Variants in ANO4 observed in about 807,000 individuals in gnomAD.
The protein encoded by ANO4 is anoctamin 4.
A neutral mutation model predicts 141.9 loss-of-function variants in ANO4; 69 were observed. The observed-to-expected ratio is 0.49, with a 90% CI of 0.40 to 0.59. The LOEUF (loss-of-function observed/expected upper bound fraction) is 0.59, where lower values mean the gene tolerates loss of function less well. Ranked by LOEUF, ANO4 falls within the 20% of genes least tolerant of loss-of-function variation. ANO4 has a pLI of 0.00. For synonymous variants in ANO4, 350 were observed against 394.3 expected (o/e 0.89, Z 1.33); for missense variants, 894 against 1,162.2 (o/e 0.77, Z 3.36).
At position 101,065,856 on chromosome 12, in the gene ANO4, T is replaced by C. The variant is rs181906691; in HGVS notation, c.1313-13337T>C. On this transcript the variant is annotated intron_variant, in intron 14 of 27. Coordinates refer to ENST00000392977, the MANE Select transcript of ANO4 (RefSeq NM_001286615.2). ...TCTTTGATTAATATTGAATCAAAAA[T>C]CCTCAACAAAATATTGGCAATCAAA... is the stretch of plus-strand genomic sequence containing the variant. 2.6e-5 allele frequency among the ~76,000 whole-genome samples: 4 copies of C among 152,276 alleles called. No homozygotes were observed. In the East Asian group the frequency reaches 7.7e-4, roughly 29 times the overall value.
At chr12:100,879,691 T>C (rs753047122) in intron 1 of ANO4, among the ~76,000 whole-genome samples, 15 of 152,202 alleles carry the variant, frequency 9.9e-5, no homozygotes, top group Non-Finnish European at 2.1e-4. Flanking sequence ...AGGGACATGG[T>C]AGGCATCCAA....
Position 100,943,077 on chromosome 12 carries a change from G to T in ANO4, c.456+542G>T. ...GCTCAAGAGTGCCTTACCAGTGTTTGGTTCTTCCCCTTCCTTCCTTCTCTG... is the reference window on the plus strand; with the variant it reads ...GCTCAAGAGTGCCTTACCAGTGTTTTGTTCTTCCCCTTCCTTCCTTCTCTG... On this transcript the variant is annotated intron_variant, in intron 5 of 27. Coordinates refer to ENST00000392977, the MANE Select transcript of ANO4 (RefSeq NM_001286615.2). Among the ~76,000 whole-genome samples the T allele has an allele frequency of 1.3e-5, 2 of 150,666 alleles. 1 individual carries two copies. Among genetic ancestry groups the T allele is most frequent in the Non-Finnish European group, 2.9e-5 (2 of 68,032 alleles).
At chr12:100,887,492 A>G (rs2039893738) in intron 1 of ANO4, among the ~76,000 whole-genome samples, 1 of 151,806 alleles carries the variant, frequency 6.6e-6, no homozygotes, top group African/African-American at 2.4e-5. Context: ...CTCCTAAAGG[A>G]GAAACCAAAT....
chr12:100,835,083 C>T (rs2036836509), intron 1 of ANO4, among the ~76,000 whole-genome samples: 1 of 152,068 alleles, frequency 6.6e-6, no homozygotes, highest in African/African-American at 2.4e-5. Context: ...TAAGAGGAGG[C>T]ACAGATGTGA....
Position 101,124,006 on chromosome 12 carries a change from T to C in ANO4, c.2677-2873T>C, listed in dbSNP as rs560420711. 3.9e-5 allele frequency among the ~76,000 whole-genome samples: 6 copies of C among 152,262 alleles called. No individual in the cohort carries two copies. In the East Asian group the frequency reaches 9.6e-4, roughly 24 times the overall value. On this transcript the variant is annotated intron_variant, in intron 26 of 27. Coordinates refer to ENST00000392977, the MANE Select transcript of ANO4 (RefSeq NM_001286615.2). ...CAAGTTATAGAATTGCTGGGTAAAA[T>C]GGTATTTCTGCTTGTAAATCACTGA... is the stretch of plus-strand genomic sequence containing the variant.
intron 1 of ANO4, among the ~76,000 whole-genome samples, chr12:100,719,069 T>C (rs909964080): frequency 2.0e-5 from 3 of 152,180 alleles, no homozygotes; most frequent in African/African-American, 7.2e-5. Context: ...AGTGAAATCA[T>C]TTTGAAAAGA....
chr12:101,123,243 T>G (rs991848501), intron 26 of ANO4, among the ~76,000 whole-genome samples: 3 of 152,232 alleles, frequency 2.0e-5, no homozygotes, highest in Non-Finnish European at 4.4e-5. Context: ...ACACTCTCTC[T>G]TTAAAGAAGA....
chr12:100,981,017 C>G (rs116243597), intron 7 of ANO4, among the ~76,000 whole-genome samples: 2 of 152,098 alleles, frequency 1.3e-5, no homozygotes, highest in East Asian at 1.9e-4. Context: ...CCTTCCACCC[C>G]CCATATGCAT....
At chr12:101,075,744 T>G (rs866218180) in intron 14 of ANO4, among the ~76,000 whole-genome samples, 1 of 146,670 alleles carries the variant, frequency 6.8e-6, no homozygotes, top group Non-Finnish European at 1.5e-5. Flanking sequence ...TATATATATA[T>G]AACAAAAATA....
At position 100,742,521 on chromosome 12, in the gene ANO4, C is replaced by T. The variant is rs116293593; in HGVS notation, c.358+2416C>T. On this transcript the variant is annotated intron_variant, in intron 3 of 29. Transcript: ENST00000644049. ...CCTACAAATTCCAGACTTTGCCAGA[C>T]ATCCCTTCACAATTCTAAGCTATCT... Among the ~76,000 whole-genome samples, 693 of 152,282 alleles carry T rather than the reference C, an allele frequency of 4.6e-3. 9 individuals are homozygous for T. The highest frequency in any genetic ancestry group is 0.016 in the African/African-American group (664 of 41,574).
At chr12:100,762,309 G>C (rs979761863) in intron 3 of ANO4, among the ~76,000 whole-genome samples, 1 of 152,110 alleles carries the variant, frequency 6.6e-6, no homozygotes, top group Non-Finnish European at 1.5e-5. Context: ...GGGAGAATGT[G>C]GCCCGAATTG....
chr12:101,038,532 T>C (rs895261421), intron 10 of ANO4: 2 of 152,206 alleles, frequency 1.3e-5, no homozygotes, highest in African/African-American at 2.4e-5. Context: ...AAGTTCCAAA[T>C]TGGTAATAGC....
At chr12:100,993,194 GCAAA>G (rs562559974) in intron 8 of ANO4, among the ~76,000 whole-genome samples, 3 of 152,058 alleles carry the variant, frequency 2.0e-5, no homozygotes, top group Non-Finnish European at 4.4e-5. Flanking sequence ...ATCTCTCAAA[GCAAA>G]CAAACAAGCA....
intron 2 of ANO4, among the ~76,000 whole-genome samples, chr12:100,736,506 C>T (rs2031623891): frequency 6.6e-6 from 1 of 152,120 alleles, no homozygotes; most frequent in Non-Finnish European, 1.5e-5. Flanking sequence ...ACTCTTGTTA[C>T]CTGACATCTT....
intron 14 of ANO4, among the ~76,000 whole-genome samples, chr12:101,057,072 T>TC (rs1363811784): frequency 6.6e-6 from 1 of 151,578 alleles, no homozygotes; most frequent in Non-Finnish European, 1.5e-5. Flanking sequence ...TTCTCATTGT[T>TC]CAACTCCCAC....
rs567640867 is a variant in ANO4 at position 101,029,183 on chromosome 12, A to C, written c.842-7912A>C. Among the ~76,000 whole-genome samples the C allele has an allele frequency of 7.9e-5, 12 of 152,360 alleles. No individual in the cohort carries two copies. The East Asian group carries it at 2.3e-3, about 29-fold the overall frequency. On this transcript the variant is annotated intron_variant, in intron 9 of 27. Coordinates refer to ENST00000392977, the MANE Select transcript of ANO4 (RefSeq NM_001286615.2). ...CCTTGCAAGAGCTCCTGAAAGAAGC[A>C]CTAAATATGCAAAGGAAAAACTGGT...
intron 3 of ANO4, among the ~76,000 whole-genome samples, chr12:100,777,863 C>A (rs1712232926): frequency 6.6e-6 from 1 of 151,776 alleles, no homozygotes; most frequent in Non-Finnish European, 1.5e-5. Flanking sequence ...TTGTGAGAGT[C>A]TCTCACAAGC....
intron 1 of ANO4, among the ~76,000 whole-genome samples, chr12:100,861,995 T>C (rs2038504496): frequency 1.3e-5 from 2 of 152,196 alleles, no homozygotes; most frequent in Non-Finnish European, 2.9e-5. Flanking sequence ...CATGGAGCTG[T>C]CATCCATGAT....
chr12:100,757,100 A>AT (rs2032645832), intron 3 of ANO4, among the ~76,000 whole-genome samples: 1 of 151,954 alleles, frequency 6.6e-6, no homozygotes, highest in Non-Finnish European at 1.5e-5. Context: ...TCCCTTCTGC[A>AT]TTTTCCAGAA....
Sources: allele counts gnomAD v4.1 joint callset (sites outside exome capture counted in the v4.1 genomes callset), GRCh38; gene constraint gnomAD v4.1.1; transcripts MANE v1.5; gene names NCBI Gene and HGNC (gene_info 2026-07-23, HGNC 2026-07-21).